The following LGI2 variants were observed in gnomAD, a reference collection of about 807,000 sequenced individuals.
The protein encoded by LGI2 is leucine-rich repeat LGI family member 2.
LGI2 carries 30 observed loss-of-function variants against 52.0 expected under a neutral mutation model. The observed-to-expected ratio is 0.58, with a 90% CI of 0.43 to 0.78. The LOEUF (loss-of-function observed/expected upper bound fraction) is 0.78. Ranked by LOEUF, LGI2 falls within the 30% of genes least tolerant of loss-of-function variation. The pLI, the probability that LGI2 is intolerant of heterozygous loss-of-function variation, is 0.00. For missense variants in LGI2, 573 were observed against 692.5 expected, an observed-to-expected ratio of 0.83 and a Z score of 1.94; for synonymous variants, 270 against 271.8, an observed-to-expected ratio of 0.99 and a Z score of 0.06.
intron 7 of LGI2, among the ~76,000 whole-genome samples, chr4:25,007,184 G>A (rs1160072634): frequency 3.3e-5 from 5 of 152,046 alleles, no homozygotes; most frequent in African/African-American, 1.2e-4. Flanking sequence ...ATGCTCTACT[G>A]TTGGACATTG....
At chr4:25,015,941 C>G (rs1247161351) in intron 6 of LGI2, among the ~76,000 whole-genome samples, 1 of 152,146 alleles carries the variant, frequency 6.6e-6, no homozygotes, top group Non-Finnish European at 1.5e-5. Context: ...AAAACCATAG[C>G]ACAAAGCCAG....
intron 3 of LGI2, among the ~76,000 whole-genome samples, 156 bp from the exon 4 acceptor site, chr4:25,025,047 T>C (rs975280058): frequency 6.6e-6 from 1 of 152,182 alleles, no homozygotes; most frequent in Non-Finnish European, 1.5e-5. Context: ...TTCCATGTGG[T>C]AGCAGGATGT....
At chr4:25,013,763 G>A (rs1380830366) in intron 6 of LGI2, among the ~76,000 whole-genome samples, 5 of 152,192 alleles carry the variant, frequency 3.3e-5, no homozygotes, top group Non-Finnish European at 1.5e-5. Flanking sequence ...ATAGTATTCA[G>A]TTGCCTACTT....
At position 25,018,052 on chromosome 4, in the gene LGI2, G is replaced by C. The variant is rs145855662; in HGVS notation, c.592C>G (p.Pro198Ala). The change falls in exon 6 of 8, where the codon CCA becomes GCA. Residue 198 changes from proline (P) to alanine (A), a missense_variant. Transcript: ENST00000382114. ...TVSDVLCIGP[P>A]EYQEKKLNDV... is the part of the protein sequence containing the mutation. ...TTTAGCTTCTTTTCCTGATACTCTG[G>C]TGGACCAATACACAGCACATCAGAA... 4 of 1,613,280 alleles carry C rather than the reference G, an allele frequency of 2.5e-6. No homozygotes were observed. Among genetic ancestry groups the C allele is most frequent in the Non-Finnish European group, 3.4e-6 (4 of 1,179,768 alleles).
At chr4:24,992,434 C>T in the LGI2 span, among the ~76,000 whole-genome samples, 1 of 152,034 alleles carries the variant, frequency 6.6e-6, no homozygotes, top group Non-Finnish European at 1.5e-5. Flanking sequence ...GGGCTTAGAG[C>T]CAGGTGCGGT....
In LGI2 at chr4:25,019,148, A is replaced by C; in HGVS notation, c.485+19T>G. ...GGGGCACAATGACAAACACACATAA[A>C]CTAAATTTCATTACTTACAGTTCAA... On this transcript the variant is annotated intron_variant, in intron 5 of 7. Transcript: ENST00000382114. The C allele has an allele frequency of 3.3e-6, 5 of 1,495,418 alleles. No homozygotes were observed. The highest frequency in any genetic ancestry group is 4.7e-6 in the Non-Finnish European group (5 of 1,073,800). 92.6% of individuals were successfully genotyped at this position (1,495,418 alleles called of 1,614,324 possible).
chr4:25,008,553 C>CAAAAAAAAAAAAAAAAAAA (rs33920247), intron 7 of LGI2, among the ~76,000 whole-genome samples: 1 of 86,012 alleles, frequency 1.2e-5, no homozygotes, highest in Non-Finnish European at 2.3e-5. Context: ...GACTCTGTCT[C>CAAAAAAAAAAAAAAAAAAA]AAAAAAAAAA....
rs1725836913 is a variant in LGI2 at position 25,018,281 on chromosome 4, G to A, written c.486-123C>T. 4.5e-6 allele frequency: 3 copies of A among 668,318 alleles called. No homozygotes were observed. In the Admixed American group the frequency reaches 1.0e-4, roughly 23 times the overall value. 41.4% of individuals were successfully genotyped at this position (668,318 alleles called of 1,614,324 possible). A position where few individuals can be genotyped will look rare whatever the true frequency, so the allele number is the denominator to read the frequency against. ...GATATATTTAAAACCCCCTAAAAAT[G>A]GAGTTTAAAAACTTTTATAATTAAT... On this transcript the variant is annotated intron_variant, in intron 5 of 7. Coordinates refer to ENST00000382114, the MANE Select transcript of LGI2 (RefSeq NM_018176.4).
intron 2 of LGI2, among the ~76,000 whole-genome samples, chr4:25,027,535 T>G (rs1297508146): frequency 6.6e-6 from 1 of 152,208 alleles, no homozygotes; most frequent in Non-Finnish European, 1.5e-5. Flanking sequence ...TATATTTTAA[T>G]AGCACTGCAA....
chr4:25,030,719 C>T lies in LGI2; in HGVS notation c.-26G>A, dbSNP rs1020671436. 7 of 1,194,614 alleles carry T rather than the reference C, an allele frequency of 5.9e-6. No homozygotes were observed. The highest frequency in any genetic ancestry group is 4.8e-5 in the African/African-American group (3 of 62,246). The allele number at this position is 1,194,614 out of a possible 1,614,324, so 74.0% of individuals were successfully genotyped here. A position where few individuals can be genotyped will look rare whatever the true frequency, so the allele number is the denominator to read the frequency against. On this transcript the variant is annotated 5_prime_UTR_variant, in exon 1 of 8. Transcript: ENST00000382114. ...GCCCGGTCCCCGCTCCCCGCCCGGGCCCCGACCCCCACCGCCGCGCCGCGC... is the reference window on the plus strand; with the variant it reads ...GCCCGGTCCCCGCTCCCCGCCCGGGTCCCGACCCCCACCGCCGCGCCGCGC...
At chr4:25,022,452 A>G (rs1726002773) in intron 4 of LGI2, among the ~76,000 whole-genome samples, 1 of 152,148 alleles carries the variant, frequency 6.6e-6, no homozygotes, top group Non-Finnish European at 1.5e-5. Flanking sequence ...CTTGACTTGT[A>G]GGCTTGACCG....
chr4:25,006,635 G>C (rs922572128), intron 7 of LGI2, among the ~76,000 whole-genome samples: 4 of 152,106 alleles, frequency 2.6e-5, no homozygotes, highest in Non-Finnish European at 5.9e-5. Flanking sequence ...AATACTAAGA[G>C]GTAAAACTTA....
intron 4 of LGI2, among the ~76,000 whole-genome samples, chr4:25,022,056 C>G (rs1215480506): frequency 6.6e-6 from 1 of 152,084 alleles, no homozygotes; most frequent in African/African-American, 2.4e-5. Context: ...GCTGGCTTAG[C>G]CCTGTGCTAG....
the LGI2 span, among the ~76,000 whole-genome samples, chr4:24,992,533 G>C: frequency 6.6e-6 from 1 of 151,500 alleles, no homozygotes; most frequent in Non-Finnish European, 1.5e-5. Flanking sequence ...GGCCAACATA[G>C]TGAAACCCCA....
rs759693990 is a variant in LGI2 at position 25,012,324 on chromosome 4, C to A, written c.820+11G>T. The A allele has an allele frequency of 2.1e-5, 34 of 1,613,820 alleles. No individual in the cohort carries two copies. The highest frequency in any genetic ancestry group is 2.6e-5 in the Non-Finnish European group (31 of 1,179,830). On this transcript the variant is annotated intron_variant, in intron 7 of 7. Coordinates refer to ENST00000382114, the MANE Select transcript of LGI2 (RefSeq NM_018176.4). ...ATTAGTTCAACACATCTGATCAAAG[C>A]CACAACACACCTGTAATGTTGTCAT...
chr4:25,024,466 A>G (rs941168431), intron 4 of LGI2, among the ~76,000 whole-genome samples: 3 of 152,184 alleles, frequency 2.0e-5, no homozygotes, highest in South Asian at 4.1e-4. Flanking sequence ...GTGAGCCGAG[A>G]TCATGCCACT....
In LGI2 at chr4:25,030,916, C is replaced by G. The variant is rs1335764891; in HGVS notation, c.-223G>C. The G allele has an allele frequency of 1.3e-5, 2 of 158,872 alleles. No homozygotes were observed. Among genetic ancestry groups the G allele is most frequent in the African/African-American group, 4.8e-5 (2 of 41,384 alleles). 9.8% of individuals were successfully genotyped at this position (158,872 alleles called of 1,614,324 possible). ...ACCCGAGCCCGGGCTGCTGGGCGGC[C>G]GCCGCCGCTGCGCCCGCCGCACTCG... On this transcript the variant is annotated 5_prime_UTR_variant, in exon 1 of 8. Coordinates refer to ENST00000382114, the MANE Select transcript of LGI2 (RefSeq NM_018176.4).
At chr4:24,998,508 C>T (rs185133379), downstream of LGI2, among the ~76,000 whole-genome samples, 3 of 152,222 alleles carry the variant, frequency 2.0e-5, no homozygotes, top group East Asian at 5.8e-4. Flanking sequence ...ATGGTTCAAC[C>T]CAATCAACGA....
chr4:24,993,545 C>A, the LGI2 span, among the ~76,000 whole-genome samples: 1 of 152,184 alleles, frequency 6.6e-6, no homozygotes, highest in Non-Finnish European at 1.5e-5. Context: ...CCCCCACAGA[C>A]ACAGCCTCTG....
Sources: allele counts gnomAD v4.1 joint callset (sites outside exome capture counted in the v4.1 genomes callset), GRCh38; gene constraint gnomAD v4.1.1; transcripts MANE v1.5; gene names NCBI Gene and HGNC (gene_info 2026-07-23, HGNC 2026-07-21).